Variants in DNAH10 observed in about 807,000 individuals in gnomAD.
DNAH10 encodes dynein axonemal heavy chain 10.
In DNAH10, 348 loss-of-function variants were observed where a neutral mutation model predicts 506.6. That is an observed-to-expected ratio of 0.69 (90% CI 0.63 to 0.75). The LOEUF (loss-of-function observed/expected upper bound fraction) is 0.75. Ranked by LOEUF, DNAH10 falls within the 30% of genes least tolerant of loss-of-function variation. The pLI, the probability that DNAH10 is intolerant of heterozygous loss-of-function variation, is 0.00. For synonymous variants in DNAH10, 2,059 were observed against 2,198.6 expected (o/e 0.94, Z 1.78); for missense variants, 5,179 against 5,787.1 (o/e 0.89, Z 3.41).
intron 5 of DNAH10, among the ~76,000 whole-genome samples, chr12:123,776,898 T>C (rs1402397214): frequency 2.0e-5 from 3 of 151,614 alleles, no homozygotes; most frequent in Non-Finnish European, 4.4e-5. Flanking sequence ...CCAAGATCAA[T>C]GAGAAAATAT....
intron 4 of DNAH10, among the ~76,000 whole-genome samples, chr12:123,773,597 G>A (rs1028533090): frequency 6.6e-6 from 1 of 152,224 alleles, no homozygotes; most frequent in African/African-American, 2.4e-5. Context: ...GGCATCTGGT[G>A]AGGGCCACTT....
In DNAH10 at chr12:123,919,002, G is replaced by A. The variant is rs897352914; in HGVS notation, c.11506+53G>A. ...GTTAGTGTAGTTTGGTGTGCCAGACGTGGCTTTAAGGAAACGTGATCTGTG... is the reference window on the plus strand; with the variant it reads ...GTTAGTGTAGTTTGGTGTGCCAGACATGGCTTTAAGGAAACGTGATCTGTG... On this transcript the variant is annotated intron_variant, in intron 65 of 78. Coordinates refer to ENST00000673944, the MANE Select transcript of DNAH10 (RefSeq NM_001372106.1). The surrounding 1 kb of genome is among the most constrained non-coding windows in gnomAD (Gnocchi z 4.9). 5.4e-6 allele frequency: 8 copies of A among 1,491,900 alleles called. No individual in the cohort carries two copies. Among genetic ancestry groups the A allele is most frequent in the Middle Eastern group, 1.9e-4 (1 of 5,150 alleles). The allele number at this position is 1,491,900 out of a possible 1,614,324, so 92.4% of individuals were successfully genotyped here. A position where few individuals can be genotyped will look rare whatever the true frequency, so the allele number is the denominator to read the frequency against.
At position 123,898,748 on chromosome 12, in the gene DNAH10, G is replaced by A. The variant is rs538081576; in HGVS notation, c.9574G>A (p.Val3192Met). 4.0e-5 allele frequency: 65 copies of A among 1,611,880 alleles called. No homozygotes were observed. The African/African-American group carries it at 7.6e-4, about 19-fold the overall frequency. Reference protein sequence around the residue: ...LNQKLAEQKIVLAEKSAACEA... With the variant: ...LNQKLAEQKIMLAEKSAACEA... ...CCAGAAGCTGGCCGAGCAGAAGATCGTGCTGGCGGAGAAGTCCGCCGCCTG... is the reference window on the plus strand; with the variant it reads ...CCAGAAGCTGGCCGAGCAGAAGATCATGCTGGCGGAGAAGTCCGCCGCCTG... The change falls in exon 56 of 79, where the codon GTG (valine) becomes ATG (methionine). Residue 3192 changes from valine (V) to methionine (M), a missense_variant. Val to Met is a conservative substitution (Grantham distance 21, BLOSUM62 1). Transcript: ENST00000673944.
chr12:123,807,896 A>AGAGGAAGAGGGAG (rs1491487630), intron 18 of DNAH10, among the ~76,000 whole-genome samples: 1 of 6,844 alleles, frequency 1.5e-4, no homozygotes, highest in African/African-American at 5.4e-4. Flanking sequence ...GAGAGAGGTG[A>AGAGGAAGAGGGAG]AGAGAGAGGG....
intron 62 of DNAH10, among the ~76,000 whole-genome samples, chr12:123,915,832 G>T (rs1011935951): frequency 6.6e-6 from 1 of 152,230 alleles, no homozygotes; most frequent in Non-Finnish European, 1.5e-5. Context: ...GTGAATGTTG[G>T]TGCACACGTT....
At chr12:123,899,824 T>C (rs138955676) in intron 56 of DNAH10, among the ~76,000 whole-genome samples, 412 of 152,358 alleles carry the variant, frequency 2.7e-3, no homozygotes, top group African/African-American at 9.5e-3. Context: ...TGAGCTACCA[T>C]ATCTTCTTAA....
intron 59 of DNAH10, among the ~76,000 whole-genome samples, chr12:123,911,075 T>G (rs1258460312): frequency 1.3e-5 from 2 of 149,280 alleles, no homozygotes; most frequent in African/African-American, 5.0e-5. Context: ...CCGAGCATGG[T>G]GGCACACACC....
Position 123,866,042 on chromosome 12 carries a change from G to A in DNAH10, c.7136G>A (p.Trp2379Ter). ...DPKNLKYRPYWKKWVNQIPNK... is the reference protein window; with the variant it reads ...DPKNLKYRPY ...AAAAACTTGAAATATCGACCATACT[G>A]GAAAAAATGGGTTAATCAAATACCA... Residue 2379 changes from tryptophan (W) to a stop codon, truncating the protein, a stop_gained, in exon 41 of 79, where the codon TGG (tryptophan) becomes TAG (stop). Coordinates refer to ENST00000673944, the MANE Select transcript of DNAH10 (RefSeq NM_001372106.1). LOFTEE classifies it high-confidence loss of function. The A allele has an allele frequency of 6.2e-7, 1 of 1,607,602 alleles. No homozygotes were observed. Among genetic ancestry groups the A allele is most frequent in the South Asian group, 1.1e-5 (1 of 89,500 alleles).
At position 123,762,396 on chromosome 12, in the gene DNAH10, C is replaced by G; in HGVS notation, c.60C>G (p.Thr20=). The change falls in exon 1 of 79, where the codon ACC becomes ACG. Residue 20 remains threonine (T), a synonymous_variant. Coordinates refer to ENST00000673944, the MANE Select transcript of DNAH10 (RefSeq NM_001372106.1). The surrounding 1 kb of genome is among the most constrained non-coding windows in gnomAD (Gnocchi z 5.0). The stretch of plus-strand genomic sequence containing the variant: ...GCGTGTATGCGGCTTTCGGCATCAC[C>G]GACCCCCAGCTTTTCGAGGACCTGC... ...RDRVYAAFGI[T]DPQLFEDLLN... 1 of 1,390,974 alleles carries G rather than the reference C, an allele frequency of 7.2e-7. No individual in the cohort carries two copies. The highest frequency in any genetic ancestry group is 9.4e-7 in the Non-Finnish European group (1 of 1,068,808). The allele number at this position is 1,390,974 out of a possible 1,614,324, so 86.2% of individuals were successfully genotyped here.
intron 67 of DNAH10, among the ~76,000 whole-genome samples, chr12:123,924,778 A>G (rs76282199): frequency 0.057 from 8,569 of 151,598 alleles, 734 homozygotes; most frequent in African/African-American, 0.18. Context: ...ATCCACCTAC[A>G]CACCCGTCCA....
intron 57 of DNAH10, among the ~76,000 whole-genome samples, chr12:123,905,403 G>A (rs1156237102): frequency 6.6e-6 from 1 of 152,186 alleles, no homozygotes; most frequent in Non-Finnish European, 1.5e-5. Flanking sequence ...GGAATTGCTG[G>A]GTCCCAGGGT....
At chr12:123,861,286 A>G in intron 39 of DNAH10, 116 bp downstream of exon 39, 2 of 1,317,726 alleles carry the variant, frequency 1.5e-6, no homozygotes, top group Non-Finnish European at 2.0e-6. Context: ...CAACAGACTT[A>G]GAGTCCAGTC....
At chr12:123,820,402 C>CT (rs1199946851) in intron 23 of DNAH10, among the ~76,000 whole-genome samples, 178 bp from the exon 24 acceptor site, 4 of 152,176 alleles carry the variant, frequency 2.6e-5, no homozygotes, top group African/African-American at 9.7e-5. Context: ...CTGGAGGAGA[C>CT]TGCAGATGTC....
At chr12:123,824,325 G>A (rs1043856787) in intron 24 of DNAH10, among the ~76,000 whole-genome samples, 1 of 152,164 alleles carries the variant, frequency 6.6e-6, no homozygotes, top group African/African-American at 2.4e-5. Flanking sequence ...TGAACATCTG[G>A]AATTCAGGGC....
chr12:123,864,820 ATTAT>A, intron 40 of DNAH10, 90 bp downstream of exon 40: 12 of 1,443,248 alleles, frequency 8.3e-6, no homozygotes, highest in Non-Finnish European at 1.1e-5. Context: ...AATGTAGATG[ATTAT>A]TTAAAAACAA....
intron 26 of DNAH10, among the ~76,000 whole-genome samples, chr12:123,832,742 A>G (rs1565963192): frequency 6.6e-6 from 1 of 152,138 alleles, no homozygotes; most frequent in Non-Finnish European, 1.5e-5. Flanking sequence ...GCAGAATCTC[A>G]TAACTGTGCA....
At chr12:123,900,803 C>T (rs1953485512) in intron 56 of DNAH10, among the ~76,000 whole-genome samples, 1 of 152,176 alleles carries the variant, frequency 6.6e-6, no homozygotes, top group Non-Finnish European at 1.5e-5. Context: ...GGCTTCATCT[C>T]AGGCAGCCGG....
intron 3 of DNAH10, 83 bp from the exon 4 acceptor site, chr12:123,772,751 A>G: frequency 2.0e-6 from 2 of 1,000,994 alleles, no homozygotes; most frequent in South Asian, 1.6e-5. Context: ...TTGAGAGGAG[A>G]GCTTAGGTGT....
rs547637372 is a variant in DNAH10 at position 123,788,036 on chromosome 12, C to T, written c.1620+34C>T. The T allele has an allele frequency of 6.4e-6, 10 of 1,551,140 alleles. No individual in the cohort carries two copies. In the East Asian group the frequency reaches 7.3e-5, roughly 11 times the overall value. On this transcript the variant is annotated intron_variant, in intron 10 of 78. Coordinates refer to ENST00000673944, the MANE Select transcript of DNAH10 (RefSeq NM_001372106.1). Reference sequence around the variant, plus strand: ...TGGGCGAAGGCCGGCGGAATTTGCCCCGAAGAAGGCAGTTGGCTTTTGACA... The same window carrying T: ...TGGGCGAAGGCCGGCGGAATTTGCCTCGAAGAAGGCAGTTGGCTTTTGACA...
Sources: allele counts gnomAD v4.1 joint callset (sites outside exome capture counted in the v4.1 genomes callset), GRCh38; gene constraint gnomAD v4.1.1; non-coding constraint Gnocchi (gnomAD v3.1); transcripts MANE v1.5; gene names NCBI Gene and HGNC (gene_info 2026-07-23, HGNC 2026-07-21).